The following FAM186A variants were observed in gnomAD, a reference collection of about 807,000 sequenced individuals.
FAM186A encodes family with sequence similarity 186 member A.
A neutral mutation model predicts 216.8 loss-of-function variants in FAM186A; 163 were observed. The ratio of observed to expected loss-of-function variants is 0.75; its 90% CI spans 0.66 to 0.86. The LOEUF is 0.86. Ranked by LOEUF, FAM186A falls within the 40% of genes least tolerant of loss-of-function variation. The pLI, the probability that FAM186A is intolerant of heterozygous loss-of-function variation, is 0.00. For missense variants in FAM186A, 2,184 were observed against 2,746.2 expected, an observed-to-expected ratio of 0.80 and a Z score of 4.58; for synonymous variants, 805 against 1,025.3, an observed-to-expected ratio of 0.79 and a Z score of 4.10.
intron 1 of FAM186A, among the ~76,000 whole-genome samples, chr12:50,385,417 CAAAA>C (rs1281395536): frequency 1.9e-5 from 1 of 51,848 alleles, no homozygotes; most frequent in Non-Finnish European, 4.1e-5. Context: ...GACTCTGTCT[CAAAA>C]AAAAAAAAAA....
intron 4 of FAM186A, among the ~76,000 whole-genome samples, chr12:50,347,496 T>A (rs1942831264): frequency 6.6e-6 from 1 of 151,906 alleles, no homozygotes. Flanking sequence ...TTTGGGAGGC[T>A]GAGGCAGGTG....
At chr12:50,331,635 G>A (rs372918364) in intron 6 of FAM186A, 35 bp downstream of exon 6, 44 of 1,519,244 alleles carry the variant, frequency 2.9e-5, no homozygotes, top group South Asian at 5.1e-5. Context: ...CCCACATATC[G>A]TCCAAAGTTT....
chr12:50,384,752 T>A (rs1000409304), intron 1 of FAM186A, among the ~76,000 whole-genome samples: 3 of 151,936 alleles, frequency 2.0e-5, no homozygotes, highest in African/African-American at 7.2e-5. Context: ...TACAGAAGAA[T>A]GAAATTAGAC....
intron 4 of FAM186A, among the ~76,000 whole-genome samples, chr12:50,342,753 G>T (rs1030374401): frequency 6.9e-6 from 1 of 145,732 alleles, no homozygotes; most frequent in African/African-American, 2.5e-5. Flanking sequence ...GATTACAGGC[G>T]TGAGCCACCG....
At chr12:50,368,024 A>T (rs1273585477) in intron 1 of FAM186A, among the ~76,000 whole-genome samples, 3 of 152,052 alleles carry the variant, frequency 2.0e-5, no homozygotes, top group Non-Finnish European at 2.9e-5. Flanking sequence ...GGGTGTTTGT[A>T]ATCCCAGCTA....
intron 1 of FAM186A, among the ~76,000 whole-genome samples, chr12:50,376,738 C>G (rs987186096): frequency 7.6e-5 from 7 of 91,542 alleles, no homozygotes; most frequent in African/African-American, 2.8e-4. Flanking sequence ...ACCTCTCTCT[C>G]TCTCTCTCTT....
chr12:50,365,038 CAAA>C (rs61497355), intron 1 of FAM186A, among the ~76,000 whole-genome samples: 11 of 110,800 alleles, frequency 9.9e-5, no homozygotes, highest in South Asian at 2.9e-4. Flanking sequence ...AACTCCGTCT[CAAA>C]AAAAAAAAAA....
At chr12:50,395,564 C>T (rs188970613) in intron 1 of FAM186A, among the ~76,000 whole-genome samples, 4 of 152,306 alleles carry the variant, frequency 2.6e-5, no homozygotes, top group East Asian at 1.9e-4. Context: ...CCCATCTCAG[C>T]TTCCCAAAGT....
chr12:50,345,106 G>A lies in FAM186A; in HGVS notation c.6503+5223C>T, dbSNP rs190804774. 1.2e-4 allele frequency among the ~76,000 whole-genome samples: 18 copies of A among 152,130 alleles called. No homozygotes were observed. In the East Asian group the frequency reaches 3.5e-3, roughly 29 times the overall value. On this transcript the variant is annotated intron_variant, in intron 4 of 7. Transcript: ENST00000327337. Reference sequence around the variant, plus strand: ...GTCTTTACTAAAAATACAAAAATTAGCCAGGGGTGGGCAACAAGAGCAAAA... The same window carrying A: ...GTCTTTACTAAAAATACAAAAATTAACCAGGGGTGGGCAACAAGAGCAAAA...
Position 50,396,528 on chromosome 12 carries a change from G to T in FAM186A, c.-44C>A. 1.3e-6 allele frequency: 2 copies of T among 1,504,504 alleles called. No individual in the cohort carries two copies. The highest frequency in any genetic ancestry group is 1.8e-6 in the Non-Finnish European group (2 of 1,121,082). 93.2% of individuals were successfully genotyped at this position (1,504,504 alleles called of 1,614,324 possible). A position where few individuals can be genotyped will look rare whatever the true frequency, so the allele number is the denominator to read the frequency against. ...TTCGTTTTATTTCTTCTTTTTCACA[G>T]AATCTACAAAAATGCTAATAAAGAT... On this transcript the variant is annotated 5_prime_UTR_variant, in exon 1 of 8. In the 5' UTR this introduces an upstream ATG that the reference lacks. Coordinates refer to ENST00000327337, the MANE Select transcript of FAM186A (RefSeq NM_001145475.3).
intron 1 of FAM186A, among the ~76,000 whole-genome samples, chr12:50,384,040 C>T (rs1362637740): frequency 6.6e-6 from 1 of 152,028 alleles, no homozygotes; most frequent in Non-Finnish European, 1.5e-5. Context: ...ATTGCTTGAA[C>T]CTAGGATGTG....
At chr12:50,358,974 A>G (rs1943005672) in intron 3 of FAM186A, among the ~76,000 whole-genome samples, 2 of 151,974 alleles carry the variant, frequency 1.3e-5, no homozygotes, top group African/African-American at 4.8e-5. Flanking sequence ...AAGTACTTGA[A>G]TAGATATTTC....
chr12:50,395,820 G>A (rs186671520), intron 1 of FAM186A, among the ~76,000 whole-genome samples: 13 of 151,832 alleles, frequency 8.6e-5, no homozygotes, highest in Admixed American at 7.2e-4. Flanking sequence ...GGAGTGCAAT[G>A]GTGCAATCTT....
chr12:50,370,475 G>T (rs942827864), intron 1 of FAM186A, among the ~76,000 whole-genome samples: 1 of 152,148 alleles, frequency 6.6e-6, no homozygotes, highest in Middle Eastern at 3.4e-3. Context: ...CCATTAAGAT[G>T]GCTACTATGA....
Position 50,354,149 on chromosome 12 carries a change from G to A in FAM186A, c.2683C>T (p.Gln895Ter). ...EEEMWKEEQKQATPKQAEQEE... is the reference protein window; with the variant it reads ...EEEMWKEEQK ...TGCTCAGCCTGCTTTGGAGTTGCCT[G>A]TTTTTGCTCTTCCTTCCACATCTCT... Residue 895 changes from glutamine (Q) to a stop codon, truncating the protein, a stop_gained, in exon 4 of 8, where the codon CAG (glutamine) becomes TAG (stop). Transcript: ENST00000327337. LOFTEE classifies it high-confidence loss of function. The A allele has an allele frequency of 6.4e-7, 1 of 1,551,664 alleles. No individual in the cohort carries two copies. The highest frequency in any genetic ancestry group is 8.7e-7 in the Non-Finnish European group (1 of 1,146,986).
At chr12:50,362,876 G>A (rs200445486) in intron 2 of FAM186A, among the ~76,000 whole-genome samples, 2 of 152,118 alleles carry the variant, frequency 1.3e-5, no homozygotes, top group East Asian at 3.9e-4. Context: ...CCATCTGGTG[G>A]AAGATGCTCC....
intron 4 of FAM186A, among the ~76,000 whole-genome samples, chr12:50,346,237 A>AAAGAAAGAAAAGAAAGAAAGAAAGAAAG (rs1383898895): frequency 9.8e-6 from 1 of 102,258 alleles, no homozygotes; most frequent in Non-Finnish European, 2.0e-5. Flanking sequence ...AAGAAAGAAA[A>AAAGAAAGAAAAGAAAGAAAGAAAGAAAG]AAAGAAAGAA....
chr12:50,376,817 T>G (rs1943202797), intron 1 of FAM186A, among the ~76,000 whole-genome samples: 1 of 151,822 alleles, frequency 6.6e-6, no homozygotes. Flanking sequence ...CACAGCTCAC[T>G]GCAGCCTAGG....
At chr12:50,371,048 A>G (rs752171855) in intron 1 of FAM186A, among the ~76,000 whole-genome samples, 17 of 152,118 alleles carry the variant, frequency 1.1e-4, no homozygotes, top group Non-Finnish European at 2.2e-4. Flanking sequence ...ACAGTGAGCC[A>G]AGATTGCACC....
Sources: gnomAD v4.1 joint callset for allele counts (sites outside exome capture counted in the v4.1 genomes callset) on GRCh38, gnomAD v4.1.1 for gene constraint, MANE v1.5 for transcripts, NCBI Gene and HGNC (gene_info 2026-07-23, HGNC 2026-07-21) for gene names.